Variants in PDE4B observed in about 807,000 individuals in gnomAD.
PDE4B encodes the protein 3',5'-cyclic-AMP phosphodiesterase 4B.
PDE4B carries 20 observed loss-of-function variants against 82.2 expected under a neutral mutation model. The ratio of observed to expected loss-of-function variants is 0.24; its 90% CI spans 0.17 to 0.35. The LOEUF (loss-of-function observed/expected upper bound fraction) is 0.35. PDE4B is among the 10% of genes least tolerant of loss of function. The probability of loss-of-function intolerance (pLI) is 1.00; values close to 1 mark genes in which losing one functional copy is unlikely to be tolerated. For missense variants in PDE4B, 655 were observed against 907.2 expected, an observed-to-expected ratio of 0.72 and a Z score of 3.57; for synonymous variants, 320 against 318.9, an observed-to-expected ratio of 1.00 and a Z score of -0.04.
intron 2 of PDE4B, among the ~76,000 whole-genome samples, chr1:65,917,725 C>G (rs1569672582): frequency 6.6e-6 from 1 of 152,116 alleles, no homozygotes; most frequent in East Asian, 1.9e-4. Flanking sequence ...CAGTTCAAGA[C>G]TGAATAAAGT....
At chr1:65,799,832 G>T (rs182078228) in intron 1 of PDE4B, among the ~76,000 whole-genome samples, 8 of 152,250 alleles carry the variant, frequency 5.3e-5, no homozygotes, top group Admixed American at 2.6e-4. Flanking sequence ...AGCCCACAGT[G>T]CTTGCTCTCT....
At chr1:65,902,325 G>T (rs1307106760) in intron 1 of PDE4B, among the ~76,000 whole-genome samples, 4 of 152,132 alleles carry the variant, frequency 2.6e-5, no homozygotes, top group Non-Finnish European at 4.4e-5. Flanking sequence ...AGAAATGGAA[G>T]ATTAGAAGGA....
At chr1:66,179,517 A>AC (rs1647015796) in intron 3 of PDE4B, among the ~76,000 whole-genome samples, 1 of 152,210 alleles carries the variant, frequency 6.6e-6, no homozygotes, top group Non-Finnish European at 1.5e-5. Context: ...TTGAAGGAAA[A>AC]AAAAAGTATA....
intron 3 of PDE4B, among the ~76,000 whole-genome samples, chr1:66,223,701 C>T (rs1343380713): frequency 2.0e-5 from 3 of 152,138 alleles, no homozygotes; most frequent in African/African-American, 7.2e-5. Context: ...GCCCCACATT[C>T]AATGCACTGC....
chr1:66,372,795 CA>C lies in PDE4B; in HGVS notation c.*118del. 4 of 1,025,592 alleles carry C rather than the reference CA, an allele frequency of 3.9e-6. No individual in the cohort carries two copies. Among genetic ancestry groups the C allele is most frequent in the Non-Finnish European group, 5.7e-6 (4 of 705,700 alleles). The allele number at this position is 1,025,592 out of a possible 1,614,324, so 63.5% of individuals were successfully genotyped here. A position where few individuals can be genotyped will look rare whatever the true frequency, so the allele number is the denominator to read the frequency against. On this transcript the variant is annotated 3_prime_UTR_variant, in exon 17 of 17. Transcript: ENST00000341517. ...ACAGGACAAGGGCCACCTGGCCTTT[CA>C]GTTACTTGAGTTTGGAGTCAGAAAG...
intron 3 of PDE4B, among the ~76,000 whole-genome samples, chr1:65,975,661 G>T (rs563379284): frequency 2.0e-5 from 3 of 152,302 alleles, no homozygotes; most frequent in Non-Finnish European, 4.4e-5. Flanking sequence ...GGGCCCTGTT[G>T]CTGTCTGTAG....
At chr1:66,216,288 C>T (rs1377942650) in intron 3 of PDE4B, among the ~76,000 whole-genome samples, 1 of 151,780 alleles carries the variant, frequency 6.6e-6, no homozygotes, top group African/African-American at 2.4e-5. Flanking sequence ...AGTTTGCCCT[C>T]CTCAATGTGC....
intron 7 of PDE4B, among the ~76,000 whole-genome samples, chr1:66,286,897 C>G (rs1400879015): frequency 3.9e-5 from 6 of 152,190 alleles, no homozygotes; most frequent in Admixed American, 2.0e-4. Flanking sequence ...TGTATGCCCC[C>G]CCATGGTAAT....
chr1:66,149,682 A>G (rs1646352689), intron 3 of PDE4B, among the ~76,000 whole-genome samples: 3 of 152,048 alleles, frequency 2.0e-5, no homozygotes, highest in Admixed American at 2.0e-4. Flanking sequence ...AGTGAGACCT[A>G]TCTCTCCAAA....
intron 3 of PDE4B, among the ~76,000 whole-genome samples, chr1:65,956,532 T>C (rs1036587073): frequency 2.6e-5 from 4 of 152,062 alleles, no homozygotes; most frequent in African/African-American, 9.7e-5. Flanking sequence ...TAGAAAGAAG[T>C]ATAGATATAG....
At chr1:65,997,029 C>G (rs1651581188) in intron 3 of PDE4B, among the ~76,000 whole-genome samples, 1 of 152,158 alleles carries the variant, frequency 6.6e-6, no homozygotes, top group South Asian at 2.1e-4. Context: ...ACCTTCCCTT[C>G]TTTGTTGATA....
At position 66,374,545 on chromosome 1, in the gene PDE4B, A is replaced by G. The variant is rs1331923863; in HGVS notation, c.*1867A>G. 1 of 152,690 alleles carries G rather than the reference A, an allele frequency of 6.5e-6. No homozygotes were observed. The highest frequency in any genetic ancestry group is 2.4e-5 in the African/African-American group (1 of 41,476). 9.5% of individuals were successfully genotyped at this position (152,690 alleles called of 1,614,324 possible). On this transcript the variant is annotated 3_prime_UTR_variant, in exon 17 of 17. Coordinates refer to ENST00000341517, the MANE Select transcript of PDE4B (RefSeq NM_002600.4). ...TCAAATGCATTCTAAAGAGACTTTT[A>G]TATGAGGTGAATAAAGAAAAGCATG...
intron 1 of PDE4B, among the ~76,000 whole-genome samples, chr1:65,825,000 C>G (rs188216639): frequency 6.6e-6 from 1 of 152,060 alleles, no homozygotes; most frequent in Non-Finnish European, 1.5e-5. Flanking sequence ...TCATGAAATC[C>G]CCCAGTACCA....
intron 3 of PDE4B, among the ~76,000 whole-genome samples, chr1:66,225,773 T>C (rs1444213279): frequency 6.6e-6 from 1 of 152,266 alleles, no homozygotes; most frequent in African/African-American, 2.4e-5. Flanking sequence ...CTGTTTTATT[T>C]TGTTTTCCTG....
At chr1:65,905,080 T>A (rs1647014446) in intron 1 of PDE4B, among the ~76,000 whole-genome samples, 1 of 152,170 alleles carries the variant, frequency 6.6e-6, no homozygotes, top group Non-Finnish European at 1.5e-5. Flanking sequence ...TCAAACATTT[T>A]CCAGCAAATA....
intron 3 of PDE4B, among the ~76,000 whole-genome samples, chr1:66,164,729 ATTTC>A (rs956525860): frequency 1.4e-5 from 2 of 144,278 alleles, no homozygotes; most frequent in African/African-American, 5.1e-5. Context: ...CTCAGACTTA[ATTTC>A]TTTTTCTTTT....
intron 3 of PDE4B, among the ~76,000 whole-genome samples, chr1:66,034,776 T>C (rs1653977810): frequency 2.0e-5 from 3 of 152,180 alleles, no homozygotes; most frequent in Admixed American, 2.0e-4. Flanking sequence ...TCTTTTTATT[T>C]CTAACTTTAT....
At chr1:65,938,261 A>G (rs1371021800) in intron 3 of PDE4B, among the ~76,000 whole-genome samples, 1 of 152,154 alleles carries the variant, frequency 6.6e-6, no homozygotes, top group Non-Finnish European at 1.5e-5. Context: ...CCTCTTAACT[A>G]TGATAAAAAC....
intron 3 of PDE4B, among the ~76,000 whole-genome samples, chr1:66,020,113 A>C (rs1277085890): frequency 6.6e-6 from 1 of 152,192 alleles, no homozygotes; most frequent in Admixed American, 6.5e-5. Flanking sequence ...CTGTTGAGGA[A>C]AGTAGACATC....
Sources: allele counts gnomAD v4.1 joint callset (sites outside exome capture counted in the v4.1 genomes callset), GRCh38; gene constraint gnomAD v4.1.1; transcripts MANE v1.5; gene names NCBI Gene and HGNC (gene_info 2026-07-23, HGNC 2026-07-21).